The following CELSR1 variants were observed in gnomAD, a reference collection of about 807,000 sequenced individuals.
The protein encoded by CELSR1 is cadherin EGF LAG seven-pass G-type receptor 1.
In CELSR1, 110 loss-of-function variants were observed where a neutral mutation model predicts 249.1. The ratio of observed to expected loss-of-function variants is 0.44; its 90% CI spans 0.38 to 0.52. The LOEUF (loss-of-function observed/expected upper bound fraction) is 0.52, where lower values mean the gene tolerates loss of function less well. Ranked by LOEUF, CELSR1 falls within the 20% of genes least tolerant of loss-of-function variation. The probability of loss-of-function intolerance (pLI) is 0.00; values close to 1 mark genes in which losing one functional copy is unlikely to be tolerated. For synonymous variants in CELSR1, 2,113 were observed against 1,900.0 expected (o/e 1.11, Z -2.92); for missense variants, 4,109 against 4,296.4 (o/e 0.96, Z 1.22).
At chr22:46,435,522 T>A (rs1394774983) in intron 4 of CELSR1, among the ~76,000 whole-genome samples, 2 of 151,810 alleles carry the variant, frequency 1.3e-5, no homozygotes, top group African/African-American at 2.4e-5. Flanking sequence ...CCTCAGGTGA[T>A]CTGCCTGCCT....
chr22:46,419,311 G>A (rs1441394552), intron 5 of CELSR1, among the ~76,000 whole-genome samples: 1 of 152,182 alleles, frequency 6.6e-6, no homozygotes, highest in Non-Finnish European at 1.5e-5. Context: ...AAAGCAACAC[G>A]TTCCTTCTCT....
At chr22:46,514,744 T>C (rs1158700794) in intron 1 of CELSR1, among the ~76,000 whole-genome samples, 3 of 151,948 alleles carry the variant, frequency 2.0e-5, no homozygotes, top group East Asian at 1.9e-4. Context: ...AAGAGGGGTG[T>C]TTCTGAATGA....
At chr22:46,385,544 C>A (rs11090871) in intron 19 of CELSR1, among the ~76,000 whole-genome samples, 16,865 of 152,222 alleles carry the variant, frequency 0.11, 1,158 homozygotes, top group African/African-American at 0.19. Context: ...CCCTGCCGGA[C>A]CCCCAAGATC....
rs927938509 is a variant in CELSR1, at chr22:46,530,892, G to C, written c.3544+2735C>G. 2.2e-4 allele frequency among the ~76,000 whole-genome samples: 34 copies of C among 152,168 alleles called. 1 individual carries two copies. Among genetic ancestry groups the C allele is most frequent in the Admixed American group, 7.9e-4 (12 of 15,276 alleles). Reference sequence around the variant, plus strand: ...ACTAAACGTAGTCGATGGCTGGCCTGTTGCATACAGCACCTCCAGGCTGGT... The same window carrying C: ...ACTAAACGTAGTCGATGGCTGGCCTCTTGCATACAGCACCTCCAGGCTGGT... On this transcript the variant is annotated intron_variant, in intron 1 of 34. Coordinates refer to ENST00000674500, the MANE Select transcript of CELSR1 (RefSeq NM_001378328.1).
At chr22:46,382,235 C>T (rs916035278) in intron 20 of CELSR1, among the ~76,000 whole-genome samples, 185 bp from the exon 21 acceptor site, 1 of 152,184 alleles carries the variant, frequency 6.6e-6, no homozygotes, top group African/African-American at 2.4e-5. Flanking sequence ...TGGGTATACA[C>T]CCCAAGGAAC....
chr22:46,444,002 G>A (rs1391264939), intron 2 of CELSR1, among the ~76,000 whole-genome samples: 1 of 152,224 alleles, frequency 6.6e-6, no homozygotes, highest in East Asian at 1.9e-4. Flanking sequence ...AACCTCGACG[G>A]CAAACAAAGG....
At chr22:46,507,296 G>C (rs576911786) in intron 1 of CELSR1, among the ~76,000 whole-genome samples, 96 of 152,294 alleles carry the variant, frequency 6.3e-4, no homozygotes, top group African/African-American at 2.2e-3. Flanking sequence ...CCACGGCTGG[G>C]GGGCCTCCGT....
chr22:46,478,972 C>A (rs2080239110), intron 1 of CELSR1, among the ~76,000 whole-genome samples: 1 of 151,910 alleles, frequency 6.6e-6, no homozygotes, highest in Non-Finnish European at 1.5e-5. Flanking sequence ...TCAGGAACGA[C>A]CAGGGCCAGT....
At chr22:46,370,189 C>A in intron 25 of CELSR1, 3 of 460,732 alleles carry the variant, frequency 6.5e-6, no homozygotes, top group South Asian at 4.7e-5. Context: ...CCATGATGGA[C>A]CCAAGGTGCA....
chr22:46,400,457 G>A (rs1244304606), intron 9 of CELSR1, among the ~76,000 whole-genome samples: 1 of 152,192 alleles, frequency 6.6e-6, no homozygotes, highest in Non-Finnish European at 1.5e-5. Context: ...GGCCAACATG[G>A]TGAAACCTGC....
At chr22:46,515,051 C>T (rs1370696853) in intron 1 of CELSR1, among the ~76,000 whole-genome samples, 1 of 152,218 alleles carries the variant, frequency 6.6e-6, no homozygotes, top group Non-Finnish European at 1.5e-5. Context: ...CCCCCAGCAC[C>T]CCCTCAGCTT....
rs935646953 is a variant in CELSR1 at position 46,500,031 on chromosome 22, C to T, written c.3544+33596G>A. Among the ~76,000 whole-genome samples, 3 of 152,122 alleles carry T rather than the reference C, an allele frequency of 2.0e-5. No individual in the cohort carries two copies. The highest frequency in any genetic ancestry group is 2.1e-4 in the South Asian group (1 of 4,824). On this transcript the variant is annotated intron_variant, in intron 1 of 34. Coordinates refer to ENST00000674500, the MANE Select transcript of CELSR1 (RefSeq NM_001378328.1). The surrounding 1 kb of genome is among the most constrained non-coding windows in gnomAD (Gnocchi z 4.9). ...CTCAAGGCTCAGCGGCGACCTCTCC[C>T]GCTTATCTTCCCAAACGGGTTGTTT...
intron 1 of CELSR1, among the ~76,000 whole-genome samples, chr22:46,507,836 G>A (rs1341397221): frequency 1.4e-5 from 2 of 148,122 alleles, no homozygotes; most frequent in African/African-American, 5.0e-5. Flanking sequence ...ACACAGCCCA[G>A]AGTACAGTGG....
At chr22:46,489,931 C>T (rs149909285) in intron 1 of CELSR1, among the ~76,000 whole-genome samples, 4 of 152,098 alleles carry the variant, frequency 2.6e-5, no homozygotes, top group Non-Finnish European at 5.9e-5. Flanking sequence ...ACTCTGTGGC[C>T]TCCAGGTTCC....
rs1437691206 is a variant in CELSR1, at chr22:46,484,696, T to C, written c.3545-20351A>G. On this transcript the variant is annotated intron_variant, in intron 1 of 34. Coordinates refer to ENST00000674500, the MANE Select transcript of CELSR1 (RefSeq NM_001378328.1). This position sits in a 1 kb window ranked among gnomAD's most constrained non-coding sequence, Gnocchi z 4.5. Reference sequence around the variant, plus strand: ...CCAGAGACCCTGTGGCCATCAGAGATGCTGGAGTGAGCGCTCACAGGGACC... The same window carrying C: ...CCAGAGACCCTGTGGCCATCAGAGACGCTGGAGTGAGCGCTCACAGGGACC... Among the ~76,000 whole-genome samples the C allele has an allele frequency of 9.4e-5, 13 of 138,520 alleles. No individual in the cohort carries two copies. Among genetic ancestry groups the C allele is most frequent in the Non-Finnish European group, 1.7e-4 (11 of 64,414 alleles). 90.9% of individuals were successfully genotyped at this position (138,520 alleles called of 152,430 possible).
rs535368763 is a variant in CELSR1 at position 46,427,110 on chromosome 22, C to A, written c.4611+6283G>T. On this transcript the variant is annotated intron_variant, in intron 5 of 34. Transcript: ENST00000674500. The surrounding 1 kb of genome is among the most constrained non-coding windows in gnomAD (Gnocchi z 4.2). ...AAGTGTGTGTGCATGTATATATGTA[C>A]ACACACACACACCTACACAGACGTC... Among the ~76,000 whole-genome samples, 1 of 151,944 alleles carries A rather than the reference C, an allele frequency of 6.6e-6. No homozygotes were observed. Among genetic ancestry groups the A allele is most frequent in the Admixed American group, 6.6e-5 (1 of 15,248 alleles).
Position 46,435,579 on chromosome 22 carries a change from G to A in CELSR1, c.4522+595C>T, listed in dbSNP as rs778529024. ...ATTACAGGCATGAGCCACTGCACCC[G>A]GCCAGTGTTGACATTTTTAATCTAG... On this transcript the variant is annotated intron_variant, in intron 4 of 34. Coordinates refer to ENST00000674500, the MANE Select transcript of CELSR1 (RefSeq NM_001378328.1). Among the ~76,000 whole-genome samples, 18 of 152,144 alleles carry A rather than the reference G, an allele frequency of 1.2e-4. No homozygotes were observed. The East Asian group carries it at 2.3e-3, about 20-fold the overall frequency.
intron 11 of CELSR1, 144 bp from the exon 12 acceptor site, chr22:46,397,992 T>C: frequency 1.3e-6 from 1 of 751,226 alleles, no homozygotes; most frequent in Non-Finnish European, 1.9e-6. Flanking sequence ...GGCAGGGTTG[T>C]TCCTCTTGCC....
At position 46,534,184 on chromosome 22, in the gene CELSR1, G is replaced by A. The variant is rs781753008; in HGVS notation, c.2987C>T (p.Ala996Val). Residue 996 changes from alanine (A) to valine (V), a missense_variant, in exon 1 of 35, where the codon GCC becomes GTC. Physicochemically the swap from Ala to Val is moderately conservative, Grantham distance 64 (BLOSUM62 0). This residue lies in a region of CELSR1 where 886 missense variants were observed against 896.5 expected (regional missense o/e 0.99). Coordinates refer to ENST00000674500, the MANE Select transcript of CELSR1 (RefSeq NM_001378328.1). This position sits in a 1 kb window ranked among gnomAD's most constrained non-coding sequence, Gnocchi z 9.7. ...CAGTTCGTCCTTCTCAAACATGGGG[G>A]CATTGTCATTAATGTCCAAGATGGT... ...QVTILDINDN[A>V]PMFEKDELEL... The A allele has an allele frequency of 4.3e-6, 7 of 1,613,876 alleles. No individual in the cohort carries two copies. In the South Asian group the frequency reaches 5.5e-5, roughly 13 times the overall value.
Sources: gnomAD v4.1 joint callset for allele counts (sites outside exome capture counted in the v4.1 genomes callset) on GRCh38, gnomAD v4.1.1 for gene constraint, gnomAD v4.1.1 regional missense constraint, Gnocchi (gnomAD v3.1) non-coding constraint, MANE v1.5 for transcripts, NCBI Gene and HGNC (gene_info 2026-07-23, HGNC 2026-07-21) for gene names.